GSE1: variants seen among roughly 807,000 people sequenced by gnomAD.
GSE1 encodes the protein Gse1 coiled-coil protein.
GSE1 carries 32 observed loss-of-function variants against 112.6 expected under a neutral mutation model. The ratio of observed to expected loss-of-function variants is 0.28; its 90% confidence interval spans 0.21 to 0.38. The LOEUF is 0.38. Among genes scored for constraint, GSE1 ranks in the 10% least tolerant of loss-of-function variants. GSE1 has a pLI of 1.00. For synonymous variants in GSE1, 1,115 were observed against 735.6 expected (o/e 1.52, Z -8.35); for missense variants, 2,348 against 1,699.2 (o/e 1.38, Z -6.71).
At chr16:85,363,282 G>A (rs897079310) in intron 2 of GSE1, among the ~76,000 whole-genome samples, 1 of 152,228 alleles carries the variant, frequency 6.6e-6, no homozygotes, top group Non-Finnish European at 1.5e-5. Flanking sequence ...ATACTGGGGT[G>A]TTGCCTTGCT....
chr16:85,515,823 G>C (rs150868039), intron 2 of GSE1, among the ~76,000 whole-genome samples: 1 of 152,058 alleles, frequency 6.6e-6, no homozygotes, highest in Non-Finnish European at 1.5e-5. Context: ...CCAGAAACAC[G>C]GGGGAAGAAA....
At chr16:85,454,872 C>T (rs1310006247) in intron 2 of GSE1, among the ~76,000 whole-genome samples, 1 of 152,230 alleles carries the variant, frequency 6.6e-6, no homozygotes, top group African/African-American at 2.4e-5. Context: ...ATGAGCTCAT[C>T]TCAGGAGCCT....
At chr16:85,332,328 CAT>C (rs2046392611) in intron 1 of GSE1, among the ~76,000 whole-genome samples, 26 of 152,250 alleles carry the variant, frequency 1.7e-4, no homozygotes, top group Admixed American at 1.6e-3. Context: ...CCTCCGTCTC[CAT>C]AATCACACTA....
At chr16:85,294,051 G>A (rs2045294969) in intron 1 of GSE1, among the ~76,000 whole-genome samples, 1 of 152,236 alleles carries the variant, frequency 6.6e-6, no homozygotes, top group Admixed American at 6.5e-5. Flanking sequence ...CCTCCTCCCC[G>A]GCCGCTGGTG....
intron 2 of GSE1, among the ~76,000 whole-genome samples, chr16:85,512,323 C>T (rs368974511): frequency 3.3e-5 from 5 of 152,290 alleles, no homozygotes; most frequent in African/African-American, 1.2e-4. Context: ...GCAGGACCAG[C>T]CAGGCACCCA....
intron 1 of GSE1, among the ~76,000 whole-genome samples, chr16:85,240,853 G>A (rs1209588986): frequency 2.0e-5 from 3 of 152,158 alleles, no homozygotes; most frequent in Admixed American, 6.5e-5. Flanking sequence ...CAGCACAGTC[G>A]GGGAGCAGAG....
At chr16:85,332,610 G>A (rs2046398948) in intron 1 of GSE1, among the ~76,000 whole-genome samples, 1 of 152,130 alleles carries the variant, frequency 6.6e-6, no homozygotes, top group African/African-American at 2.4e-5. Flanking sequence ...GGGCCGCACT[G>A]CTCTCTGCGG....
At chr16:85,383,059 G>T (rs546498212) in intron 2 of GSE1, among the ~76,000 whole-genome samples, 2 of 146,084 alleles carry the variant, frequency 1.4e-5, no homozygotes, top group South Asian at 4.3e-4. Context: ...ATGCATGTGC[G>T]CACACACACA....
At chr16:85,184,726 A>G (rs2074664617) in intron 1 of GSE1, among the ~76,000 whole-genome samples, 1 of 152,164 alleles carries the variant, frequency 6.6e-6, no homozygotes, top group Non-Finnish European at 1.5e-5. Context: ...TGGATTATTT[A>G]GAAGTATGTT....
At chr16:85,365,462 A>G (rs955449427) in intron 2 of GSE1, among the ~76,000 whole-genome samples, 12 of 152,194 alleles carry the variant, frequency 7.9e-5, no homozygotes, top group African/African-American at 2.4e-4. Context: ...GGAACACGAA[A>G]GAAGGAAGCC....
At chr16:85,408,001 C>CCCTGGATAATCCTGTTACTCTCAGGGCA (rs2048355612) in intron 2 of GSE1, among the ~76,000 whole-genome samples, 1 of 57,334 alleles carries the variant, frequency 1.7e-5, no homozygotes, top group Non-Finnish European at 3.7e-5. Context: ...ACTCAGGGCC[C>CCCTGGATAATCCTGTTACTCTCAGGGCA]CCTGGATAAT....
At chr16:85,643,405 G>A (rs140691027) in intron 2 of GSE1, among the ~76,000 whole-genome samples, 9 of 152,302 alleles carry the variant, frequency 5.9e-5, no homozygotes, top group East Asian at 3.9e-4. Flanking sequence ...AGTAGCACCC[G>A]CCAGCGGGGA....
At chr16:85,313,794 A>G (rs545735424) in intron 1 of GSE1, among the ~76,000 whole-genome samples, 16 of 152,358 alleles carry the variant, frequency 1.1e-4, no homozygotes, top group Non-Finnish European at 1.5e-4. Context: ...TGAGCTGGCA[A>G]TGTCCACCCT....
At chr16:85,238,457 G>A (rs376817489) in intron 1 of GSE1, among the ~76,000 whole-genome samples, 21 of 152,168 alleles carry the variant, frequency 1.4e-4, no homozygotes, top group African/African-American at 4.1e-4. Context: ...CCTTGGCTCC[G>A]GGCTCTGCAG....
intron 1 of GSE1, among the ~76,000 whole-genome samples, chr16:85,273,732 C>T (rs1320448421): frequency 1.3e-5 from 2 of 151,988 alleles, no homozygotes; most frequent in East Asian, 1.9e-4. Context: ...CCTTGTCGCC[C>T]AGTCTGGAGT....
intron 1 of GSE1, among the ~76,000 whole-genome samples, chr16:85,258,784 G>A (rs529849752): frequency 2.6e-5 from 4 of 152,330 alleles, no homozygotes; most frequent in South Asian, 2.1e-4. Flanking sequence ...TGTCAGGCCC[G>A]CGAAGGGAGC....
chr16:85,413,300 G>T lies in GSE1; in HGVS notation c.2464+55657G>T, dbSNP rs190612661. Among the ~76,000 whole-genome samples, 10 of 152,300 alleles carry T rather than the reference G, an allele frequency of 6.6e-5. No homozygotes were observed. In the East Asian group the frequency reaches 1.5e-3, roughly 24 times the overall value. On this transcript the variant is annotated intron_variant, in intron 2 of 2. Coordinates refer to the GSE1 transcript ENST00000637419. ...TGGGTTGAGGGTTGGGAAGCCAAGA[G>T]CTGAGTAGCTTTGGCGCTTTACCTA...
chr16:85,395,075 G>C (rs1372586313), intron 2 of GSE1, among the ~76,000 whole-genome samples: 1 of 152,116 alleles, frequency 6.6e-6, no homozygotes, highest in African/African-American at 2.4e-5. Flanking sequence ...GCAGAGACTG[G>C]GGCACCTAAG....
At chr16:85,379,736 G>A (rs1439050201) in intron 2 of GSE1, among the ~76,000 whole-genome samples, 1 of 152,232 alleles carries the variant, frequency 6.6e-6, no homozygotes, top group Non-Finnish European at 1.5e-5. Context: ...CAGCCTGGCT[G>A]TGCACTTCCT....
Sources: gnomAD v4.1 joint callset for allele counts (sites outside exome capture counted in the v4.1 genomes callset) on GRCh38, gnomAD v4.1.1 for gene constraint, MANE v1.5 for transcripts, NCBI Gene and HGNC (gene_info 2026-07-23, HGNC 2026-07-21) for gene names.